The following FBXO21 variants were observed in gnomAD, a reference collection of about 807,000 sequenced individuals.
FBXO21 encodes F-box protein 21, also known as F-box only protein 21.
FBXO21 carries 32 observed loss-of-function variants against 76.6 expected under a neutral mutation model. The ratio of observed to expected loss-of-function variants is 0.42; its 90% CI spans 0.32 to 0.56. The LOEUF (loss-of-function observed/expected upper bound fraction) is 0.56. Among genes scored for constraint, FBXO21 ranks in the 20% least tolerant of loss-of-function variants. FBXO21 has a pLI of 0.16. For missense variants in FBXO21, 586 were observed against 797.3 expected, an observed-to-expected ratio of 0.73 and a Z score of 3.19; for synonymous variants, 328 against 311.5, an observed-to-expected ratio of 1.05 and a Z score of -0.56.
At chr12:117,146,839 G>C (rs548159548) in intron 11 of FBXO21, among the ~76,000 whole-genome samples, 2 of 152,302 alleles carry the variant, frequency 1.3e-5, no homozygotes, top group Admixed American at 6.5e-5. Flanking sequence ...ATGAAAGGAA[G>C]GTGGCTTGCA....
intron 11 of FBXO21, among the ~76,000 whole-genome samples, chr12:117,146,896 C>T (rs537729805): frequency 6.6e-6 from 1 of 152,296 alleles, no homozygotes; most frequent in South Asian, 2.1e-4. Context: ...TGTACCATCT[C>T]TTGGGAAAAC....
chr12:117,152,979 G>A (rs758511050), intron 11 of FBXO21, among the ~76,000 whole-genome samples: 1 of 152,048 alleles, frequency 6.6e-6, no homozygotes, highest in Non-Finnish European at 1.5e-5. Context: ...AGTATGTCAG[G>A]CGTGGGAACC....
Position 117,142,863 on chromosome 12 carries a change from TCA to T in FBXO21, c.*3222_*3223del, listed in dbSNP as rs1294794812. The T allele has an allele frequency of 6.6e-6, 1 of 152,122 alleles. No individual in the cohort carries two copies. 9.4% of individuals were successfully genotyped at this position (152,122 alleles called of 1,614,324 possible). On this transcript the variant is annotated 3_prime_UTR_variant, in exon 12 of 12. Coordinates refer to ENST00000622495, the MANE Select transcript of FBXO21 (RefSeq NM_015002.3). ...AAAGCCTGCGACACGGCAGCTCTGC[TCA>T]GTTTTCTCCGTGGGGAAAGATCGGA...
chr12:117,163,922 C>T (rs981587220), intron 9 of FBXO21, among the ~76,000 whole-genome samples: 7 of 151,572 alleles, frequency 4.6e-5, no homozygotes, highest in African/African-American at 1.7e-4. Context: ...CCAGCCTGGG[C>T]GACAGAGCAA....
rs754931252 is a variant in FBXO21, at chr12:117,166,968, G to GTGC, written c.1120_1122dup (p.Ala374dup). 1 of 1,613,992 alleles carries GTGC rather than the reference G, an allele frequency of 6.2e-7. No homozygotes were observed. Among genetic ancestry groups the GTGC allele is most frequent in the Non-Finnish European group, 8.5e-7 (1 of 1,180,000 alleles). On this transcript the variant is annotated inframe_insertion, in exon 8 of 12. Coordinates refer to ENST00000622495, the MANE Select transcript of FBXO21 (RefSeq NM_015002.3). Reference sequence around the variant, plus strand: ...TTCTTGACATTGACCACCCCATACAGTGCTGCAGTCACGTGCTGGCCGATC... The same window carrying GTGC: ...TTCTTGACATTGACCACCCCATACAGTGCTGCTGCAGTCACGTGCTGGCCGATC...
At chr12:117,157,183 A>AG (rs1378528596) in intron 10 of FBXO21, among the ~76,000 whole-genome samples, 58 of 151,132 alleles carry the variant, frequency 3.8e-4, no homozygotes, top group Admixed American at 7.9e-4. Flanking sequence ...CTGTCTCCAA[A>AG]GAAAAAAAAA....
At position 117,145,422 on chromosome 12, in the gene FBXO21, T is replaced by C. The variant is rs931454417; in HGVS notation, c.*665A>G. On this transcript the variant is annotated 3_prime_UTR_variant, in exon 12 of 12. Transcript: ENST00000622495. ...TGTGCATAAACTCAAGAGAGGAATA[T>C]GGAAGGGAAAACTGTGTTATATTCC... 5.3e-5 allele frequency: 8 copies of C among 151,714 alleles called. No individual in the cohort carries two copies. Among genetic ancestry groups the C allele is most frequent in the African/African-American group, 1.9e-4 (8 of 41,332 alleles). 9.4% of individuals were successfully genotyped at this position (151,714 alleles called of 1,614,324 possible).
intron 11 of FBXO21, among the ~76,000 whole-genome samples, chr12:117,148,515 G>A (rs1328038419): frequency 1.3e-5 from 2 of 152,364 alleles, no homozygotes; most frequent in South Asian, 2.1e-4. Flanking sequence ...GAAAGGGCCT[G>A]GAAGGCCATG....
At chr12:117,151,090 A>T (rs1023715244) in intron 11 of FBXO21, among the ~76,000 whole-genome samples, 1 of 152,078 alleles carries the variant, frequency 6.6e-6, no homozygotes, top group African/African-American at 2.4e-5. Flanking sequence ...TGTCGAGGAC[A>T]TGCCATGTGC....
At chr12:117,187,190 G>A (rs1312161287) in intron 2 of FBXO21, among the ~76,000 whole-genome samples, 2 of 151,978 alleles carry the variant, frequency 1.3e-5, no homozygotes, top group Admixed American at 1.3e-4. Flanking sequence ...GGAGGCTGAG[G>A]TGGGCGGATC....
chr12:117,185,146 T>C (rs1956270007), intron 3 of FBXO21, among the ~76,000 whole-genome samples: 1 of 152,170 alleles, frequency 6.6e-6, no homozygotes, highest in South Asian at 2.1e-4. Flanking sequence ...TTAAAGTACA[T>C]ATGCACATTA....
intron 11 of FBXO21, among the ~76,000 whole-genome samples, chr12:117,151,778 G>A (rs1356491386): frequency 6.6e-6 from 1 of 152,132 alleles, no homozygotes; most frequent in African/African-American, 2.4e-5. Flanking sequence ...GGAGGAAGAA[G>A]GCGGCTCTTG....
chr12:117,158,569 C>T (rs1239703559), intron 9 of FBXO21, among the ~76,000 whole-genome samples: 1 of 152,160 alleles, frequency 6.6e-6, no homozygotes, highest in Admixed American at 6.5e-5. Context: ...ATGTCTGACA[C>T]AACTGCCTCA....
intron 3 of FBXO21, among the ~76,000 whole-genome samples, chr12:117,179,270 G>C (rs1956205668): frequency 6.6e-6 from 1 of 152,192 alleles, no homozygotes; most frequent in African/African-American, 2.4e-5. Flanking sequence ...TGCCAAGAAA[G>C]AAAACTTTGC....
At chr12:117,153,693 G>A (rs1358867093) in intron 11 of FBXO21, among the ~76,000 whole-genome samples, 3 of 152,246 alleles carry the variant, frequency 2.0e-5, no homozygotes, top group South Asian at 2.1e-4. Context: ...CTCAGGAAGC[G>A]CTTGCTGACA....
chr12:117,164,953 A>C (rs1365677216), intron 9 of FBXO21, among the ~76,000 whole-genome samples: 1 of 152,246 alleles, frequency 6.6e-6, no homozygotes, highest in Non-Finnish European at 1.5e-5. Context: ...GCCTTCTGAA[A>C]GGGCATGCTG....
intron 11 of FBXO21, among the ~76,000 whole-genome samples, chr12:117,150,277 C>A (rs139234635): frequency 2.6e-5 from 4 of 152,338 alleles, no homozygotes; most frequent in African/African-American, 9.6e-5. Flanking sequence ...GGATTCTCTT[C>A]AAGTTTTCAG....
At chr12:117,156,208 T>C (rs1955913834) in intron 10 of FBXO21, among the ~76,000 whole-genome samples, 1 of 152,228 alleles carries the variant, frequency 6.6e-6, no homozygotes, top group Non-Finnish European at 1.5e-5. Flanking sequence ...GGACCTGGCC[T>C]GACAACAGCA....
At chr12:117,168,296 C>T (rs1956079650) in intron 7 of FBXO21, among the ~76,000 whole-genome samples, 1 of 152,144 alleles carries the variant, frequency 6.6e-6, no homozygotes, top group African/African-American at 2.4e-5. Context: ...GAGGCCAAGG[C>T]AGGCAGATCA....
Sources: gnomAD v4.1 joint callset for allele counts (sites outside exome capture counted in the v4.1 genomes callset) on GRCh38, gnomAD v4.1.1 for gene constraint, MANE v1.5 for transcripts, NCBI Gene and HGNC (gene_info 2026-07-23, HGNC 2026-07-21) for gene names.